Variants in PIK3C2G observed in about 807,000 individuals in gnomAD.
PIK3C2G encodes phosphatidylinositol-4-phosphate 3-kinase catalytic subunit type 2 gamma.
Under a neutral mutation model 181.1 loss-of-function variants are expected in PIK3C2G, and 168 were observed. The ratio of observed to expected loss-of-function variants is 0.93; its 90% CI spans 0.82 to 1.05. PIK3C2G has a LOEUF of 1.05. Ranked by LOEUF, PIK3C2G falls within the 50% of genes least tolerant of loss-of-function variation. The probability of loss-of-function intolerance (pLI) is 0.00; values close to 1 mark genes in which losing one functional copy is unlikely to be tolerated. For missense variants in PIK3C2G, 1,869 were observed against 1,732.8 expected (o/e 1.08, Z -1.40); for synonymous variants, 573 against 592.2 (o/e 0.97, Z 0.47).
At chr12:18,271,701 C>A (rs542317197) in intron 1 of PIK3C2G, among the ~76,000 whole-genome samples, 1 of 152,142 alleles carries the variant, frequency 6.6e-6, no homozygotes, top group East Asian at 1.9e-4. Context: ...AGATTTTATT[C>A]TCATATTGAT....
At chr12:18,566,118 G>T (rs994213506) in intron 28 of PIK3C2G, among the ~76,000 whole-genome samples, 1 of 152,080 alleles carries the variant, frequency 6.6e-6, no homozygotes, top group African/African-American at 2.4e-5. Flanking sequence ...ATAGAGTTTT[G>T]GACTTTCCTG....
chr12:18,395,420 T>C (rs1943820200), intron 15 of PIK3C2G, among the ~76,000 whole-genome samples: 1 of 150,140 alleles, frequency 6.7e-6, no homozygotes, highest in African/African-American at 2.4e-5. Flanking sequence ...ACAGTAAAAT[T>C]ATGTTGCAAA....
intron 26 of PIK3C2G, among the ~76,000 whole-genome samples, chr12:18,559,686 A>T (rs1945191750): frequency 6.7e-6 from 1 of 149,910 alleles, no homozygotes; most frequent in African/African-American, 2.5e-5. Context: ...CATGGACAAG[A>T]GATAATATTA....
At chr12:18,354,339 G>A (rs538795378) in intron 11 of PIK3C2G, among the ~76,000 whole-genome samples, 8 of 152,320 alleles carry the variant, frequency 5.3e-5, no homozygotes, top group Non-Finnish European at 7.3e-5. Context: ...ATTTCTAGGA[G>A]GGGGCAAGCT....
At chr12:18,628,786 C>A (rs7295823) in intron 31 of PIK3C2G, among the ~76,000 whole-genome samples, 41,900 of 151,866 alleles carry the variant, frequency 0.28, 7,027 homozygotes, top group African/African-American at 0.48. Flanking sequence ...ATCAAGTGTC[C>A]CTGAAATCTT....
intron 8 of PIK3C2G, among the ~76,000 whole-genome samples, chr12:18,326,211 C>A (rs888023107): frequency 1.3e-5 from 2 of 152,066 alleles, no homozygotes; most frequent in Non-Finnish European, 2.9e-5. Context: ...CATTATAAGG[C>A]CACTGAAATT....
chr12:18,324,767 A>T (rs1951259837), intron 7 of PIK3C2G, among the ~76,000 whole-genome samples: 1 of 152,230 alleles, frequency 6.6e-6, no homozygotes, highest in East Asian at 1.9e-4. Flanking sequence ...AGTTTTATAT[A>T]ATGATCAGCC....
Position 18,503,411 on chromosome 12 carries a change from T to C in PIK3C2G, c.3147T>C (p.Tyr1049=), listed in dbSNP as rs1941632182. The C allele has an allele frequency of 1.9e-6, 3 of 1,601,066 alleles. No individual in the cohort carries two copies. Among genetic ancestry groups the C allele is most frequent in the Non-Finnish European group, 2.6e-6 (3 of 1,172,944 alleles). The part of the protein sequence containing the change: ...FSQHNHLKAD[Y]EKALRNFFYS... ...AGCACAACCACTTAAAGGCAGATTA[T>C]GAAAAGGTTTGTCCTGTTGCAGATC... The change falls in exon 23 of 33, where the codon TAT becomes TAC. Residue 1049 remains tyrosine, a synonymous_variant. Coordinates refer to ENST00000538779, the MANE Select transcript of PIK3C2G (RefSeq NM_001288772.2).
At position 18,333,118 on chromosome 12, in the gene PIK3C2G, C is replaced by T. The variant is rs556865933; in HGVS notation, c.1273-5308C>T. Among the ~76,000 whole-genome samples, 28 of 152,240 alleles carry T rather than the reference C, an allele frequency of 1.8e-4. No homozygotes were observed. The South Asian group carries it at 4.1e-3, about 23-fold the overall frequency. On this transcript the variant is annotated intron_variant, in intron 8 of 32. Transcript: ENST00000538779. The stretch of plus-strand genomic sequence containing the variant: ...CTCCTGTGCTCTGCCAAAGTTTGAA[C>T]ATTTTGTGTGCCCCATCTCTCTTTG...
chr12:18,458,238 T>C (rs1374116554), intron 18 of PIK3C2G, among the ~76,000 whole-genome samples: 3 of 152,158 alleles, frequency 2.0e-5, no homozygotes, highest in East Asian at 3.9e-4. Context: ...TAATATATTA[T>C]GCATTCTAAG....
intron 25 of PIK3C2G, among the ~76,000 whole-genome samples, chr12:18,540,282 A>G (rs1224241626): frequency 6.6e-6 from 1 of 151,908 alleles, no homozygotes; most frequent in Non-Finnish European, 1.5e-5. Flanking sequence ...AATGATATAA[A>G]TAACTACATG....
At chr12:18,696,123 A>G in the PIK3C2G span, 3 of 1,174,206 alleles carry the variant, frequency 2.6e-6, no homozygotes, top group African/African-American at 3.1e-5. Flanking sequence ...TACTTCTGCA[A>G]ACAACTCAAT....
intron 16 of PIK3C2G, among the ~76,000 whole-genome samples, chr12:18,415,375 GCAC>G (rs1945117176): frequency 6.6e-6 from 1 of 152,148 alleles, no homozygotes. Context: ...TTGTTTTGAG[GCAC>G]CACAAGGTGC....
the PIK3C2G span, among the ~76,000 whole-genome samples, chr12:18,708,118 A>G: frequency 6.6e-6 from 1 of 152,254 alleles, no homozygotes; most frequent in East Asian, 1.9e-4. Flanking sequence ...AGACTTTTTC[A>G]TCCTACATAT....
At chr12:18,304,207 A>C (rs1029473738) in intron 5 of PIK3C2G, among the ~76,000 whole-genome samples, 2 of 152,122 alleles carry the variant, frequency 1.3e-5, no homozygotes, top group Non-Finnish European at 2.9e-5. Flanking sequence ...TTTTCAAAAA[A>C]CTTCTATATT....
the PIK3C2G span, among the ~76,000 whole-genome samples, chr12:18,702,202 T>C: frequency 1.1e-4 from 16 of 152,158 alleles, no homozygotes; most frequent in Middle Eastern, 3.4e-3. Flanking sequence ...TATTAAAATG[T>C]CTATCATAAG....
At chr12:18,494,982 T>G (rs559450820) in intron 20 of PIK3C2G, among the ~76,000 whole-genome samples, 1 of 152,196 alleles carries the variant, frequency 6.6e-6, no homozygotes, top group Non-Finnish European at 1.5e-5. Flanking sequence ...AGAAAATATC[T>G]ATTTTCCATC....
At chr12:18,489,059 G>T (rs1940322084) in intron 19 of PIK3C2G, among the ~76,000 whole-genome samples, 1 of 152,048 alleles carries the variant, frequency 6.6e-6, no homozygotes. Context: ...ATGGCCTTAA[G>T]AACAGTAATA....
chr12:18,687,598 C>T, the PIK3C2G span, among the ~76,000 whole-genome samples: 1 of 152,088 alleles, frequency 6.6e-6, no homozygotes, highest in Non-Finnish European at 1.5e-5. Flanking sequence ...TCCCTTATGG[C>T]AAAAATGACT....
Sources: gnomAD v4.1 joint callset for allele counts (sites outside exome capture counted in the v4.1 genomes callset) on GRCh38, gnomAD v4.1.1 for gene constraint, MANE v1.5 for transcripts, NCBI Gene and HGNC (gene_info 2026-07-23, HGNC 2026-07-21) for gene names.